The following MVK variants were observed in gnomAD, a reference collection of about 807,000 sequenced individuals.
The protein encoded by MVK is mevalonate kinase, also known as LH receptor mRNA-binding protein.
A neutral mutation model predicts 43.2 loss-of-function variants in MVK; 34 were observed. The ratio of observed to expected loss-of-function variants is 0.79; its 90% CI spans 0.60 to 1.05. The LOEUF is 1.05. MVK is among the 50% of genes least tolerant of loss of function. MVK has a pLI of 0.00. For synonymous variants in MVK, 190 were observed against 219.8 expected, an observed-to-expected ratio of 0.86 and a Z score of 1.20; for missense variants, 395 against 504.0, an observed-to-expected ratio of 0.78 and a Z score of 2.07.
intron 1 of MVK, among the ~76,000 whole-genome samples, chr12:109,574,546 G>C (rs1884839234): frequency 6.6e-6 from 1 of 152,130 alleles, no homozygotes; most frequent in Non-Finnish European, 1.5e-5. Flanking sequence ...TCCATATAAC[G>C]TGTGGGGAAA....
chr12:109,575,926 T>C (rs1593011587), intron 2 of MVK, 72 bp from the exon 3 acceptor site: 15 of 1,581,368 alleles, frequency 9.5e-6, no homozygotes, highest in Non-Finnish European at 1.3e-5. Context: ...GTTTGCTCTC[T>C]TCTTAGCACG....
At chr12:109,593,827 C>T (rs1178673667) in intron 9 of MVK, among the ~76,000 whole-genome samples, 2 of 150,322 alleles carry the variant, frequency 1.3e-5, no homozygotes, top group East Asian at 2.0e-4. Flanking sequence ...AAATGATCCT[C>T]GTGCCGCAGC....
intron 4 of MVK, 88 bp from the exon 5 acceptor site, chr12:109,581,307 G>C: frequency 6.4e-7 from 1 of 1,553,354 alleles, no homozygotes; most frequent in Non-Finnish European, 8.9e-7. Context: ...CAGATGCTTG[G>C]AGTCAGGCCT....
chr12:109,590,390 C>T, intron 7 of MVK: 2 of 348,026 alleles, frequency 5.7e-6, no homozygotes, highest in Non-Finnish European at 1.1e-5. Context: ...ACCCTTCTAG[C>T]TTTGCTTGGT....
intron 7 of MVK, chr12:109,587,120 C>G: frequency 2.6e-6 from 1 of 379,390 alleles, no homozygotes; most frequent in South Asian, 2.3e-5. Flanking sequence ...TCCTGTGTTC[C>G]CGATGATGCT....
intron 5 of MVK, 57 bp from the exon 6 acceptor site, chr12:109,585,965 C>A (rs1885414315): frequency 6.9e-7 from 1 of 1,459,068 alleles, no homozygotes; most frequent in Non-Finnish European, 9.6e-7. Flanking sequence ...CCCCAGGTGA[C>A]CCCTCCCCAG....
chr12:109,581,586 G>A (rs769411834), intron 5 of MVK, 36 bp downstream of exon 5: 60 of 1,613,834 alleles, frequency 3.7e-5, no homozygotes, highest in Non-Finnish European at 4.5e-5. Context: ...TGTCCCTCCC[G>A]CACGGCAGGA....
chr12:109,583,035 TTAAC>T (rs1017749833), intron 5 of MVK, among the ~76,000 whole-genome samples: 63 of 152,080 alleles, frequency 4.1e-4, no homozygotes, highest in African/African-American at 1.5e-3. Context: ...TTTTGTTTTT[TTAAC>T]TATATTATCA....
intron 5 of MVK, among the ~76,000 whole-genome samples, chr12:109,583,319 A>C (rs1193730072): frequency 6.6e-6 from 1 of 151,722 alleles, no homozygotes; most frequent in African/African-American, 2.4e-5. Context: ...TCATTGTTCA[A>C]TTCCCACCTA....
At chr12:109,576,992 G>C (rs915374357) in intron 3 of MVK, among the ~76,000 whole-genome samples, 6 of 152,028 alleles carry the variant, frequency 3.9e-5, no homozygotes, top group Admixed American at 3.9e-4. Context: ...TCCTTTCCCT[G>C]ACCCCAGTAA....
intron 3 of MVK, among the ~76,000 whole-genome samples, chr12:109,576,958 A>T (rs1884985066): frequency 6.6e-6 from 1 of 152,164 alleles, no homozygotes; most frequent in Non-Finnish European, 1.5e-5. Context: ...TTGTAATTTT[A>T]AAAATCACCT....
chr12:109,585,143 G>A (rs531167465), intron 5 of MVK, among the ~76,000 whole-genome samples: 16 of 152,208 alleles, frequency 1.1e-4, no homozygotes, highest in Non-Finnish European at 1.9e-4. Context: ...GTGAGGCCAC[G>A]TGCTTGGGAG....
At position 109,586,744 on chromosome 12, in the gene MVK, T is replaced by C; in HGVS notation, c.632-10T>C. ...TCCCACAGCTCTGACCCACTGGTTTTTCTCTTTAGGAGGAGCCCTCCGATA... is the reference window on the plus strand; with the variant it reads ...TCCCACAGCTCTGACCCACTGGTTTCTCTCTTTAGGAGGAGCCCTCCGATA... On this transcript the variant is annotated splice_polypyrimidine_tract_variant and intron_variant, in intron 6 of 10. Coordinates refer to ENST00000228510, the MANE Select transcript of MVK (RefSeq NM_000431.4). The C allele has an allele frequency of 6.2e-7, 1 of 1,614,150 alleles. No homozygotes were observed. The highest frequency in any genetic ancestry group is 1.1e-5 in the South Asian group (1 of 91,088).
At chr12:109,585,510 G>C (rs1885397623) in intron 5 of MVK, among the ~76,000 whole-genome samples, 1 of 152,180 alleles carries the variant, frequency 6.6e-6, no homozygotes, top group Admixed American at 6.5e-5. Flanking sequence ...GCAGGGGCCA[G>C]GTGCGGTGGC....
intron 8 of MVK, 96 bp downstream of exon 8, chr12:109,590,957 GGGTGT>G (rs1386922165): frequency 1.5e-6 from 2 of 1,306,448 alleles, no homozygotes; most frequent in African/African-American, 2.9e-5. Flanking sequence ...GGGTTATAGG[GGGTGT>G]GGTGGGTGGT....
Position 109,596,672 on chromosome 12 carries a change from G to C in MVK, c.*95G>C, listed in dbSNP as rs1226113451. The C allele has an allele frequency of 6.6e-7, 1 of 1,518,382 alleles. No individual in the cohort carries two copies. The highest frequency in any genetic ancestry group is 8.9e-7 in the Non-Finnish European group (1 of 1,122,862). The allele number at this position is 1,518,382 out of a possible 1,614,324, so 94.1% of individuals were successfully genotyped here. ...CTCTGTGCTGGCCAGCGAGCGCCCA[G>C]CTCCTGACACTGCTGGAGAGGCCCC... On this transcript the variant is annotated 3_prime_UTR_variant, in exon 11 of 11. Transcript: ENST00000228510.
intron 3 of MVK, among the ~76,000 whole-genome samples, chr12:109,578,648 T>G (rs1461320356): frequency 1.3e-5 from 2 of 152,224 alleles, no homozygotes; most frequent in South Asian, 2.1e-4. Flanking sequence ...CCATCTCGAT[T>G]ACAAAGCTCT....
chr12:109,584,623 G>A (rs997512857), intron 5 of MVK, among the ~76,000 whole-genome samples: 1 of 152,172 alleles, frequency 6.6e-6, no homozygotes, highest in African/African-American at 2.4e-5. Flanking sequence ...GGTGGCTCAC[G>A]CCTGTAATCC....
intron 4 of MVK, 140 bp from the exon 5 acceptor site, chr12:109,581,255 C>A: frequency 9.8e-7 from 1 of 1,025,460 alleles, no homozygotes; most frequent in Non-Finnish European, 1.5e-6. Flanking sequence ...AATAGGGATA[C>A]ATTTGGGGTC....
Sources: gnomAD v4.1 joint callset for allele counts (sites outside exome capture counted in the v4.1 genomes callset) on GRCh38, gnomAD v4.1.1 for gene constraint, MANE v1.5 for transcripts, NCBI Gene and HGNC (gene_info 2026-07-23, HGNC 2026-07-21) for gene names.